SERPINB6: variants seen among roughly 807,000 people sequenced by gnomAD.
SERPINB6 encodes serpin family B member 6.
SERPINB6 carries 16 observed loss-of-function variants against 26.1 expected under a neutral mutation model. That is an observed-to-expected ratio of 0.61 (90% CI 0.42 to 0.93). SERPINB6 has a LOEUF of 0.93. Among genes scored for constraint, SERPINB6 ranks in the 40% least tolerant of loss-of-function variants. The pLI is 0.00. For missense variants in SERPINB6, 420 were observed against 478.0 expected (o/e 0.88, Z 1.13); for synonymous variants, 174 against 176.6 (o/e 0.99, Z 0.11).
upstream of SERPINB6, chr6:2,971,631 C>T (rs995230176): frequency 1.8e-4 from 28 of 152,244 alleles, no homozygotes; most frequent in African/African-American, 6.5e-4. Context: ...TCCCGGGTCT[C>T]GAGCTACCGT....
chr6:2,951,294 G>A (rs1202487909), intron 5 of SERPINB6, among the ~76,000 whole-genome samples: 3 of 151,900 alleles, frequency 2.0e-5, no homozygotes, highest in African/African-American at 7.3e-5. Context: ...GCCACGGCAG[G>A]AGAATCACCT....
intron 1 of SERPINB6, chr6:2,961,832 C>T (rs1581264494): frequency 1.0e-6 from 1 of 985,020 alleles, no homozygotes. Context: ...CTCCCCCAAC[C>T]CCATCCTAGA....
At chr6:2,962,148 A>G (rs1188191775) in intron 1 of SERPINB6, 3 of 985,344 alleles carry the variant, frequency 3.0e-6, no homozygotes, top group Non-Finnish European at 3.6e-6. Flanking sequence ...ACTTCAACAA[A>G]GCAAAGCCAC....
Position 2,959,208 on chromosome 6 carries a change from T to A in SERPINB6, c.125A>T (p.Tyr42Phe). 1 of 1,614,214 alleles carries A rather than the reference T, an allele frequency of 6.2e-7. No individual in the cohort carries two copies. Among genetic ancestry groups the A allele is most frequent in the South Asian group, 1.1e-5 (1 of 91,088 alleles). ...MSMSCALAMV[Y>F]MGAKGNTAAQ... Reference sequence around the variant, plus strand: ...AGCGGTGTTTCCCTTTGCCCCCATGTAGACCATGGCCAGGGCACAGGACAT... The same window carrying A: ...AGCGGTGTTTCCCTTTGCCCCCATGAAGACCATGGCCAGGGCACAGGACAT... Residue 42 changes from tyrosine to phenylalanine, a missense_variant, in exon 2 of 7, where the codon TAC becomes TTC. By Grantham distance (22) the Tyr-to-Phe change is conservative. Transcript: ENST00000380539.
chr6:2,951,152 C>T (rs1309741466), intron 5 of SERPINB6, among the ~76,000 whole-genome samples: 2 of 152,048 alleles, frequency 1.3e-5, no homozygotes, highest in Non-Finnish European at 2.9e-5. Context: ...GTGGGAGGCC[C>T]GGGCAGGTGG....
At chr6:2,956,685 GTGGTGCATGCCTGTAA>G (rs2113218479) in intron 2 of SERPINB6, 1 of 152,486 alleles carries the variant, frequency 6.6e-6, no homozygotes, top group South Asian at 2.1e-4. Flanking sequence ...GCCTGGCGTG[GTGGTGCATGCCTGTAA>G]TCCCAGATAC....
chr6:2,961,702 GT>G (rs1159694814), intron 1 of SERPINB6, among the ~76,000 whole-genome samples: 1 of 151,994 alleles, frequency 6.6e-6, no homozygotes, highest in African/African-American at 2.4e-5. Context: ...TTCTGTCTTT[GT>G]CCCCAAGAGG....
intron 2 of SERPINB6, chr6:2,956,821 CA>C (rs34187484): frequency 0.29 from 41,089 of 143,058 alleles, 7,070 homozygotes; most frequent in African/African-American, 0.51. Context: ...AACTCTGTCT[CA>C]AAAAAAAAAA....
intron 4 of SERPINB6, 52 bp from the exon 5 acceptor site, chr6:2,953,238 G>T (rs755035738): frequency 1.9e-6 from 3 of 1,612,064 alleles, no homozygotes; most frequent in South Asian, 2.2e-5. Flanking sequence ...GCGGATCCCC[G>T]ACACATCAGG....
rs1184079659 is a variant in SERPINB6 at position 2,953,306 on chromosome 6, C to A, written c.431-120G>T. ...GTGCACGGATAGAGAGTTCCACTGT[C>A]CCCCAAATATAAAGGGATACGTGTC... On this transcript the variant is annotated intron_variant, in intron 4 of 6. Transcript: ENST00000380539. The A allele has an allele frequency of 6.7e-6, 9 of 1,337,794 alleles. No homozygotes were observed. In the African/African-American group the frequency reaches 7.2e-5, roughly 11 times the overall value. The allele number at this position is 1,337,794 out of a possible 1,614,324, so 82.9% of individuals were successfully genotyped here.
chr6:2,962,316 G>A, intron 1 of SERPINB6: 1 of 693,374 alleles, frequency 1.4e-6, no homozygotes, highest in African/African-American at 2.0e-5. Context: ...ATATTCGGAG[G>A]AGAAGTCAGT....
intron 1 of SERPINB6, chr6:2,968,461 G>T: frequency 1.1e-6 from 1 of 905,898 alleles, no homozygotes. Flanking sequence ...AGGTTTAAAA[G>T]GTTAAAAAAA....
chr6:2,963,354 G>A (rs1475995987), intron 1 of SERPINB6: 4 of 152,168 alleles, frequency 2.6e-5, no homozygotes, highest in Admixed American at 2.6e-4. Flanking sequence ...GAACACCTAC[G>A]TTTTATAAGC....
intron 1 of SERPINB6, chr6:2,971,239 A>G: frequency 1.1e-6 from 1 of 934,218 alleles, no homozygotes; most frequent in Non-Finnish European, 1.3e-6. Flanking sequence ...GCGGCCACGC[A>G]CGACTCACCC....
At position 2,971,192 on chromosome 6, in the gene SERPINB6, C is replaced by T. The variant is rs535386898; in HGVS notation, c.-11+341G>A. 1,254 of 989,142 alleles carry T rather than the reference C, an allele frequency of 1.3e-3. 9 individuals are homozygous for T. In the African/African-American group the frequency reaches 0.019, roughly 15 times the overall value. The allele number at this position is 989,142 out of a possible 1,614,324, so 61.3% of individuals were successfully genotyped here. A position where few individuals can be genotyped will look rare whatever the true frequency, so the allele number is the denominator to read the frequency against. Reference sequence around the variant, plus strand: ...TCCGTGGGCGCTGGGCCTGGGCGCCCGGGGTCCTCGGGTCCGCGGCGTCAC... The same window carrying T: ...TCCGTGGGCGCTGGGCCTGGGCGCCTGGGGTCCTCGGGTCCGCGGCGTCAC... On this transcript the variant is annotated intron_variant, in intron 1 of 6. Coordinates refer to ENST00000380539, the MANE Select transcript of SERPINB6 (RefSeq NM_004568.6).
chr6:2,966,611 C>A (rs931303310), intron 1 of SERPINB6: 1 of 159,052 alleles, frequency 6.3e-6, no homozygotes, highest in Non-Finnish European at 1.3e-5. Flanking sequence ...GAATCGAATG[C>A]CTGATGATCT....
At chr6:2,971,172 G>C (rs1022944249) in intron 1 of SERPINB6, 28 of 996,048 alleles carry the variant, frequency 2.8e-5, no homozygotes, top group Non-Finnish European at 3.3e-5. Context: ...CCTCTTCCGT[G>C]GGCGCTGGGC....
intron 1 of SERPINB6, chr6:2,966,694 G>A (rs1771678079): frequency 6.2e-6 from 1 of 160,418 alleles, no homozygotes; most frequent in African/African-American, 2.4e-5. Flanking sequence ...CACAAAACCA[G>A]TCTGGTCCCT....
chr6:2,949,077 G>T lies in SERPINB6; in HGVS notation c.574-8C>A. ...CACAGGTTTCTCCTCATTCTACAAA[G>T]AAAACAGATAAACATCAAGTTGAAA... On this transcript the variant is annotated splice_polypyrimidine_tract_variant and splice_region_variant and intron_variant, in intron 5 of 6. Coordinates refer to ENST00000380539, the MANE Select transcript of SERPINB6 (RefSeq NM_004568.6). 6.2e-7 allele frequency: 1 copy of T among 1,613,740 alleles called. No homozygotes were observed. The highest frequency in any genetic ancestry group is 8.5e-7 in the Non-Finnish European group (1 of 1,179,944).
Sources: gnomAD v4.1 joint callset for allele counts (sites outside exome capture counted in the v4.1 genomes callset) on GRCh38, gnomAD v4.1.1 for gene constraint, MANE v1.5 for transcripts, NCBI Gene and HGNC (gene_info 2026-07-23, HGNC 2026-07-21) for gene names.